The following ZBTB20 variants were observed in gnomAD, a reference collection of about 807,000 sequenced individuals.
ZBTB20 encodes zinc finger and BTB domain-containing protein 20.
In ZBTB20, 9 loss-of-function variants were observed where a neutral mutation model predicts 56.9. The ratio of observed to expected loss-of-function variants is 0.16; its 90% CI spans 0.10 to 0.28. The LOEUF is 0.28. Among genes scored for constraint, ZBTB20 ranks in the 10% least tolerant of loss-of-function variants. The probability of loss-of-function intolerance (pLI) is 1.00; values close to 1 mark genes in which losing one functional copy is unlikely to be tolerated. For synonymous variants in ZBTB20, 417 were observed against 420.7 expected, an observed-to-expected ratio of 0.99 and a Z score of 0.11; for missense variants, 655 against 1,003.0, an observed-to-expected ratio of 0.65 and a Z score of 4.69.
intron 4 of ZBTB20, among the ~76,000 whole-genome samples, chr3:114,866,393 A>T (rs2107516977): frequency 6.6e-6 from 1 of 152,320 alleles, no homozygotes; most frequent in Admixed American, 6.5e-5. Flanking sequence ...AAATTTGGTG[A>T]TAATAACCAA....
chr3:114,517,616 G>T (rs2046158837), intron 6 of ZBTB20, among the ~76,000 whole-genome samples: 2 of 148,980 alleles, frequency 1.3e-5, no homozygotes. Context: ...TCTCTCTGTT[G>T]CCCAGGCTGA....
intron 3 of ZBTB20, among the ~76,000 whole-genome samples, chr3:114,932,409 A>C (rs2076391259): frequency 6.6e-6 from 1 of 152,230 alleles, no homozygotes; most frequent in South Asian, 2.1e-4. Context: ...TGCTGGACCT[A>C]GAATCATAGT....
intron 7 of ZBTB20, among the ~76,000 whole-genome samples, chr3:114,443,306 A>G (rs1160930820): frequency 6.6e-6 from 1 of 152,198 alleles, no homozygotes; most frequent in Non-Finnish European, 1.5e-5. Context: ...TAGGCTACAG[A>G]CAGAGGTGTA....
At chr3:114,852,512 C>A (rs747323642) in intron 4 of ZBTB20, among the ~76,000 whole-genome samples, 2 of 152,168 alleles carry the variant, frequency 1.3e-5, no homozygotes, top group African/African-American at 2.4e-5. Flanking sequence ...GATCCACCCG[C>A]CGCAGCCTCC....
intron 4 of ZBTB20, among the ~76,000 whole-genome samples, chr3:114,825,511 G>A (rs1247559480): frequency 6.6e-6 from 1 of 151,794 alleles, no homozygotes; most frequent in East Asian, 1.9e-4. Context: ...AAACATTTAG[G>A]AGGCCATGGG....
chr3:114,547,591 T>A (rs1289137940), intron 6 of ZBTB20, among the ~76,000 whole-genome samples: 1 of 152,142 alleles, frequency 6.6e-6, no homozygotes, highest in Non-Finnish European at 1.5e-5. Context: ...TGGTCAGTGG[T>A]AGAGCATCCC....
At chr3:115,031,046 T>C (rs893574561) in intron 2 of ZBTB20, among the ~76,000 whole-genome samples, 1 of 151,426 alleles carries the variant, frequency 6.6e-6, no homozygotes, top group Non-Finnish European at 1.5e-5. Context: ...TCTAAGAAAA[T>C]CAGGATCTAC....
At chr3:114,672,594 A>G (rs2061413373) in intron 6 of ZBTB20, among the ~76,000 whole-genome samples, 1 of 152,192 alleles carries the variant, frequency 6.6e-6, no homozygotes, top group Admixed American at 6.6e-5. Flanking sequence ...AGTAGACGCC[A>G]GCCTACCTTA....
At position 114,319,856 on chromosome 3, in the gene ZBTB20, A is replaced by G. The variant is rs1459353027; in HGVS notation, c.*19149T>C. On this transcript the variant is annotated 3_prime_UTR_variant, in exon 12 of 12. Transcript: ENST00000675478. ...CATATACATATATATATACACACAC[A>G]CACACAAATTTGTTACATAGCCAAT... The G allele has an allele frequency of 3.3e-5, 5 of 152,156 alleles. No homozygotes were observed. Among genetic ancestry groups the G allele is most frequent in the Non-Finnish European group, 7.3e-5 (5 of 68,040 alleles). The allele number at this position is 152,156 out of a possible 1,614,324, so 9.4% of individuals were successfully genotyped here.
At chr3:114,621,182 A>G (rs1427885439) in intron 6 of ZBTB20, among the ~76,000 whole-genome samples, 3 of 152,216 alleles carry the variant, frequency 2.0e-5, no homozygotes, top group Admixed American at 2.0e-4. Context: ...TTAGGTTGAT[A>G]AGCTAATATG....
At chr3:115,082,869 A>G in intron 1 of ZBTB20, among the ~76,000 whole-genome samples, 1 of 151,950 alleles carries the variant, frequency 6.6e-6, no homozygotes, top group Non-Finnish European at 1.5e-5. Flanking sequence ...TGCTCCTCTT[A>G]AATATACTCA....
intron 3 of ZBTB20, among the ~76,000 whole-genome samples, chr3:114,931,998 T>C (rs978408798): frequency 2.0e-5 from 3 of 152,254 alleles, no homozygotes; most frequent in African/African-American, 7.2e-5. Context: ...CACAACTTGA[T>C]TGCAATCTGA....
At chr3:114,851,246 A>G (rs748310022) in intron 4 of ZBTB20, among the ~76,000 whole-genome samples, 28 of 152,244 alleles carry the variant, frequency 1.8e-4, no homozygotes, top group African/African-American at 7.2e-5. Flanking sequence ...TAACACATTT[A>G]AGAGGTAAGA....
intron 6 of ZBTB20, among the ~76,000 whole-genome samples, chr3:114,541,029 T>C (rs2049050887): frequency 1.3e-5 from 2 of 152,182 alleles, no homozygotes; most frequent in African/African-American, 4.8e-5. Context: ...TAGGATCAGA[T>C]TACCTAGGCT....
chr3:114,591,614 G>A (rs1560005456), intron 6 of ZBTB20, among the ~76,000 whole-genome samples: 2 of 152,188 alleles, frequency 1.3e-5, no homozygotes, highest in Admixed American at 6.5e-5. Context: ...ATTAGTATAG[G>A]TGAACTAATA....
intron 6 of ZBTB20, among the ~76,000 whole-genome samples, chr3:114,577,329 C>T (rs1012005770): frequency 6.6e-6 from 1 of 151,712 alleles, no homozygotes; most frequent in African/African-American, 2.4e-5. Flanking sequence ...TGCCACAAGC[C>T]TTCAGTTTGT....
chr3:114,612,237 C>T (rs767169640), intron 6 of ZBTB20, among the ~76,000 whole-genome samples: 1 of 152,170 alleles, frequency 6.6e-6, no homozygotes, highest in Non-Finnish European at 1.5e-5. Flanking sequence ...TTCTAGGCCA[C>T]CATAATGCAG....
intron 5 of ZBTB20, among the ~76,000 whole-genome samples, chr3:114,765,055 T>C (rs1028707366): frequency 1.3e-5 from 2 of 152,124 alleles, no homozygotes; most frequent in African/African-American, 4.8e-5. Flanking sequence ...GATGGCTCTA[T>C]CTCAGAATGA....
chr3:114,748,798 C>A (rs776110653), intron 5 of ZBTB20, among the ~76,000 whole-genome samples: 7 of 152,130 alleles, frequency 4.6e-5, no homozygotes, highest in Non-Finnish European at 1.0e-4. Context: ...ATGTTTCAAG[C>A]TGTAAACTGC....
Sources: gnomAD v4.1 joint callset for allele counts (sites outside exome capture counted in the v4.1 genomes callset) on GRCh38, gnomAD v4.1.1 for gene constraint, MANE v1.5 for transcripts, NCBI Gene and HGNC (gene_info 2026-07-23, HGNC 2026-07-21) for gene names.